DCC: variants seen among roughly 807,000 people sequenced by gnomAD.
DCC encodes the protein netrin receptor DCC.
A neutral mutation model predicts 172.5 loss-of-function variants in DCC; 58 were observed. That is an observed-to-expected ratio of 0.34 (90% CI 0.27 to 0.42). The LOEUF (loss-of-function observed/expected upper bound fraction) is 0.42, where lower values mean the gene tolerates loss of function less well. DCC is among the 10% of genes least tolerant of loss of function. DCC has a pLI of 1.00. For missense variants in DCC, 1,740 were observed against 1,791.0 expected, an observed-to-expected ratio of 0.97 and a Z score of 0.51; for synonymous variants, 709 against 644.5, an observed-to-expected ratio of 1.10 and a Z score of -1.52.
At chr18:52,768,631 T>G (rs2037292535) in intron 2 of DCC, among the ~76,000 whole-genome samples, 1 of 152,184 alleles carries the variant, frequency 6.6e-6, no homozygotes, top group South Asian at 2.1e-4. Flanking sequence ...TAAGACCTTT[T>G]TCTAAAGCTT....
chr18:52,415,429 A>G (rs1407924027), intron 1 of DCC, among the ~76,000 whole-genome samples: 2 of 152,212 alleles, frequency 1.3e-5, no homozygotes, highest in African/African-American at 4.8e-5. Context: ...GCCATTTGAC[A>G]CAATTATGGA....
chr18:52,565,017 G>A (rs1267294561), intron 1 of DCC, among the ~76,000 whole-genome samples: 1 of 152,090 alleles, frequency 6.6e-6, no homozygotes, highest in Non-Finnish European at 1.5e-5. Flanking sequence ...ATGTGTAAGG[G>A]ACTAAGAAGG....
At chr18:53,408,317 A>T (rs754543860) in intron 19 of DCC, among the ~76,000 whole-genome samples, 3 of 152,162 alleles carry the variant, frequency 2.0e-5, no homozygotes, top group Non-Finnish European at 4.4e-5. Flanking sequence ...CAAGGCTGCA[A>T]ATTCAAATGT....
chr18:52,391,901 A>G (rs1777268868), intron 1 of DCC, among the ~76,000 whole-genome samples: 2 of 152,164 alleles, frequency 1.3e-5, no homozygotes, highest in Admixed American at 6.5e-5. Context: ...GGCTGGGAGA[A>G]GTGTCACAGA....
At chr18:52,907,179 A>G (rs2039895945) in intron 3 of DCC, among the ~76,000 whole-genome samples, 1 of 148,868 alleles carries the variant, frequency 6.7e-6, no homozygotes, top group Admixed American at 6.8e-5. Flanking sequence ...TCATATATAC[A>G]TGATATGTAT....
At chr18:53,316,721 T>C (rs2057348133) in intron 13 of DCC, among the ~76,000 whole-genome samples, 1 of 152,182 alleles carries the variant, frequency 6.6e-6, no homozygotes, top group South Asian at 2.1e-4. Flanking sequence ...TTTGTAGCAA[T>C]TGTGAATGGG....
chr18:53,157,026 G>C (rs2054749065), intron 7 of DCC, among the ~76,000 whole-genome samples: 2 of 152,140 alleles, frequency 1.3e-5, no homozygotes. Flanking sequence ...TCAAGTGCTT[G>C]TTAAAAATTC....
chr18:52,810,179 C>G (rs1348062115), intron 2 of DCC, among the ~76,000 whole-genome samples: 1 of 152,102 alleles, frequency 6.6e-6, no homozygotes, highest in Non-Finnish European at 1.5e-5. Flanking sequence ...ACAACAGGAG[C>G]TAATGAAAGC....
At chr18:52,539,439 G>A (rs933942412) in intron 1 of DCC, among the ~76,000 whole-genome samples, 3 of 152,144 alleles carry the variant, frequency 2.0e-5, no homozygotes, top group African/African-American at 7.2e-5. Flanking sequence ...GGAGGTGAGT[G>A]CAGGCCAGTG....
chr18:52,825,039 G>T (rs756739634), intron 2 of DCC, among the ~76,000 whole-genome samples: 2 of 152,056 alleles, frequency 1.3e-5, no homozygotes, highest in Middle Eastern at 3.4e-3. Flanking sequence ...TCTGCCTATT[G>T]AATAGTCAAT....
At chr18:52,456,886 G>A (rs1458766859) in intron 1 of DCC, among the ~76,000 whole-genome samples, 2 of 151,878 alleles carry the variant, frequency 1.3e-5, no homozygotes, top group Admixed American at 6.6e-5. Flanking sequence ...CCAATGTAAA[G>A]CACTGCTTCC....
chr18:53,177,048 C>T (rs12397576), intron 8 of DCC, among the ~76,000 whole-genome samples: 8 of 151,550 alleles, frequency 5.3e-5, no homozygotes, highest in African/African-American at 1.9e-4. Flanking sequence ...ATGAAATTGG[C>T]AATCATCATT....
intron 5 of DCC, among the ~76,000 whole-genome samples, chr18:53,009,393 C>T (rs180688168): frequency 6.6e-6 from 1 of 151,856 alleles, no homozygotes; most frequent in African/African-American, 2.4e-5. Flanking sequence ...CCATTGGAAG[C>T]CTGGGATTTA....
intron 8 of DCC, among the ~76,000 whole-genome samples, chr18:53,169,741 C>T (rs1414289139): frequency 6.6e-6 from 1 of 152,084 alleles, no homozygotes; most frequent in Non-Finnish European, 1.5e-5. Flanking sequence ...CAGTGAGAGG[C>T]CGAACAATAC....
At chr18:52,937,984 T>C (rs2040405732) in intron 5 of DCC, among the ~76,000 whole-genome samples, 3 of 152,208 alleles carry the variant, frequency 2.0e-5, no homozygotes, top group East Asian at 3.9e-4. Flanking sequence ...CCCGGTGAAA[T>C]AGTCCATGTT....
chr18:52,709,876 A>G (rs2036266954), intron 1 of DCC, among the ~76,000 whole-genome samples: 1 of 152,252 alleles, frequency 6.6e-6, no homozygotes, highest in Non-Finnish European at 1.5e-5. Context: ...AAGCAAATTA[A>G]TAAGATTTTT....
At position 53,199,034 on chromosome 18, in the gene DCC, T is replaced by C. The variant is rs144687438; in HGVS notation, c.1574-6182T>C. On this transcript the variant is annotated intron_variant, in intron 9 of 28. Coordinates refer to ENST00000442544, the MANE Select transcript of DCC (RefSeq NM_005215.4). ...GGAAGGCTGAAGCTGTTAACGGTAT[T>C]GATTTCACATCTAATTCCCATTGTT... Among the ~76,000 whole-genome samples the C allele has an allele frequency of 6.6e-4, 101 of 152,186 alleles. No homozygotes were observed. In the East Asian group the frequency reaches 0.019, roughly 28 times the overall value.
intron 5 of DCC, among the ~76,000 whole-genome samples, chr18:53,027,378 G>A (rs7505439): frequency 1.7e-3 from 262 of 152,202 alleles, no homozygotes; most frequent in Middle Eastern, 3.4e-3. Context: ...GTCAAGTAAC[G>A]TTAATATTAG....
intron 1 of DCC, chr18:52,409,222 G>A (rs1986759836): frequency 6.6e-6 from 1 of 152,098 alleles, no homozygotes. Flanking sequence ...CTACGTAAGA[G>A]CAAACATATT....
Sources: allele counts gnomAD v4.1 joint callset (sites outside exome capture counted in the v4.1 genomes callset), GRCh38; gene constraint gnomAD v4.1.1; transcripts MANE v1.5; gene names NCBI Gene and HGNC (gene_info 2026-07-23, HGNC 2026-07-21).